The following NEB variants were observed in gnomAD, a reference collection of about 807,000 sequenced individuals.
NEB encodes nebulin.
A neutral mutation model predicts 952.2 loss-of-function variants in NEB; 512 were observed. The ratio of observed to expected loss-of-function variants is 0.54; its 90% CI spans 0.50 to 0.58. NEB has a LOEUF of 0.58. Among genes scored for constraint, NEB ranks in the 20% least tolerant of loss-of-function variants. The probability of loss-of-function intolerance (pLI) is 0.00; values close to 1 mark genes in which losing one functional copy is unlikely to be tolerated. For synonymous variants in NEB, 2,900 were observed against 3,149.8 expected, an observed-to-expected ratio of 0.92 and a Z score of 2.66; for missense variants, 8,428 against 9,231.1, an observed-to-expected ratio of 0.91 and a Z score of 3.56.
At chr2:151,551,134 A>ATT (rs1458139434) in intron 129 of NEB, among the ~76,000 whole-genome samples, 2 of 150,606 alleles carry the variant, frequency 1.3e-5, no homozygotes, top group African/African-American at 4.9e-5. Flanking sequence ...TATCTGGCTA[A>ATT]TTTTTTGTAT....
Position 151,641,210 on chromosome 2 carries a change from TGTGTGAGAATA to T in NEB, c.8374-555_8374-545del, listed in dbSNP as rs2098842652. On this transcript the variant is annotated intron_variant, in intron 60 of 181. Coordinates refer to ENST00000397345, the MANE Select transcript of NEB (RefSeq NM_001164508.2). ...CACTAAAATAATTTGTTATGATTCG[TGTGTGAGAATA>T]TAATTAGAAGTCATATTGTATATGG... Among the ~76,000 whole-genome samples, 6 of 152,362 alleles carry T rather than the reference TGTGTGAGAATA, an allele frequency of 3.9e-5. No individual in the cohort carries two copies. In the South Asian group the frequency reaches 1.2e-3, roughly 32 times the overall value.
At chr2:151,570,018 T>C (rs2096570561) in intron 109 of NEB, 63 bp downstream of exon 109, 1 of 1,490,172 alleles carries the variant, frequency 6.7e-7, no homozygotes. Flanking sequence ...GTTAGTGTCA[T>C]AAACTCTCTG....
intron 124 of NEB, 84 bp from the exon 125 acceptor site, chr2:151,555,128 A>G (rs1182820003): frequency 8.5e-6 from 8 of 944,746 alleles, no homozygotes; most frequent in Middle Eastern, 4.4e-4. Flanking sequence ...CTTAATGGGA[A>G]AAACCCGACT....
At chr2:151,574,766 C>T (rs2096772676) in intron 107 of NEB, among the ~76,000 whole-genome samples, 1 of 115,300 alleles carries the variant, frequency 8.7e-6, no homozygotes, top group African/African-American at 2.7e-5. Context: ...GGGTCTTGCC[C>T]TGTCACCCAG....
At chr2:151,671,799 C>T (rs971041350) in intron 37 of NEB, among the ~76,000 whole-genome samples, 4 of 152,166 alleles carry the variant, frequency 2.6e-5, no homozygotes, top group Non-Finnish European at 5.9e-5. Flanking sequence ...TATAACACTT[C>T]TTTCCTTTAC....
chr2:151,698,305 T>C (rs1029230662), intron 13 of NEB, among the ~76,000 whole-genome samples: 2 of 152,132 alleles, frequency 1.3e-5, no homozygotes, highest in Non-Finnish European at 2.9e-5. Context: ...TTTTAGTATG[T>C]TTACAGAGTT....
At chr2:151,730,118 G>C (rs2099802315) in intron 3 of NEB, among the ~76,000 whole-genome samples, 1 of 152,130 alleles carries the variant, frequency 6.6e-6, no homozygotes. Flanking sequence ...TAAATGGATT[G>C]CATCATGGAA....
chr2:151,495,760 A>G (rs922978559), intron 173 of NEB, among the ~76,000 whole-genome samples: 1 of 152,168 alleles, frequency 6.6e-6, no homozygotes, highest in African/African-American at 2.4e-5. Flanking sequence ...TTGATAATCA[A>G]TAATTGCCAA....
intron 9 of NEB, among the ~76,000 whole-genome samples, chr2:151,722,515 GT>G (rs1336076812): frequency 6.6e-6 from 1 of 152,104 alleles, no homozygotes; most frequent in Non-Finnish European, 1.5e-5. Context: ...TGTGTTTTTG[GT>G]TTGTTTAGTT....
intron 63 of NEB, 105 bp from the exon 64 acceptor site, chr2:151,636,439 CTTTCT>C: frequency 1.1e-6 from 1 of 912,766 alleles, no homozygotes; most frequent in South Asian, 1.6e-5. Context: ...CTATAATAAT[CTTTCT>C]TTTGAGAGTT....
intron 46 of NEB, among the ~76,000 whole-genome samples, chr2:151,660,756 C>G (rs866457454): frequency 7.9e-5 from 12 of 152,104 alleles, no homozygotes; most frequent in South Asian, 4.2e-4. Flanking sequence ...GTGGTTGTGT[C>G]ACTATAAAAC....
At chr2:151,703,940 G>A (rs1309594801) in intron 13 of NEB, among the ~76,000 whole-genome samples, 13 of 132,470 alleles carry the variant, frequency 9.8e-5, no homozygotes, top group East Asian at 4.4e-4. Context: ...GGCGCTCTGC[G>A]TTTTAGAGTT....
rs549285971 is a variant in NEB, at chr2:151,664,824, T to C, written c.5278A>G (p.Ile1760Val). Reference sequence around the variant, plus strand: ...TCCGGTGTGTCAGGCATGACATGAATGGTGGTCTTGTCCTTGTTCCATTTT... The same window carrying C: ...TCCGGTGTGTCAGGCATGACATGAACGGTGGTCTTGTCCTTGTTCCATTTT... Reference protein sequence around the residue: ...TEKWNKDKTTIHVMPDTPDIL... With the variant: ...TEKWNKDKTTVHVMPDTPDIL... The change falls in exon 43 of 182, where the codon ATT becomes GTT. Residue 1760 changes from isoleucine to valine, a missense_variant. Coordinates refer to ENST00000397345, the MANE Select transcript of NEB (RefSeq NM_001164508.2). 6.2e-7 allele frequency: 1 copy of C among 1,613,084 alleles called. No homozygotes were observed. Among genetic ancestry groups the C allele is most frequent in the South Asian group, 1.1e-5 (1 of 90,868 alleles).
At chr2:151,706,747 T>G (rs963073348) in intron 13 of NEB, 134 bp downstream of exon 13, 18 of 665,578 alleles carry the variant, frequency 2.7e-5, no homozygotes, top group Admixed American at 1.1e-4. Flanking sequence ...TGTGGTTACA[T>G]AGTTCCAATG....
intron 173 of NEB, among the ~76,000 whole-genome samples, chr2:151,494,573 C>T (rs1271813111): frequency 6.6e-6 from 1 of 152,178 alleles, no homozygotes; most frequent in Non-Finnish European, 1.5e-5. Context: ...ACAGGAGTTA[C>T]AGGCATGAGC....
intron 34 of NEB, among the ~76,000 whole-genome samples, chr2:151,677,018 G>A (rs1327863970): frequency 1.3e-5 from 2 of 152,170 alleles, no homozygotes; most frequent in African/African-American, 4.8e-5. Flanking sequence ...CCAGAGCATA[G>A]ACGCTGCTCA....
At position 151,605,036 on chromosome 2, in the gene NEB, C is replaced by T. The variant is rs556757083; in HGVS notation, c.12748-165G>A. Among the ~76,000 whole-genome samples, 8 of 133,040 alleles carry T rather than the reference C, an allele frequency of 6.0e-5. 1 individual carries two copies. The highest frequency in any genetic ancestry group is 4.7e-4 in the South Asian group (2 of 4,262). The allele number at this position is 133,040 out of a possible 152,430, so 87.3% of individuals were successfully genotyped here. ...TTCACTTTAAAGAAATTAGATAATA[C>T]GATTTTAGGTCATTTCAGAGAGGAC... On this transcript the variant is annotated intron_variant, in intron 84 of 181. Coordinates refer to ENST00000397345, the MANE Select transcript of NEB (RefSeq NM_001164508.2).
At chr2:151,667,036 T>C (rs2099227748) in intron 40 of NEB, among the ~76,000 whole-genome samples, 1 of 151,780 alleles carries the variant, frequency 6.6e-6, no homozygotes. Flanking sequence ...TAACTTAATT[T>C]GTAAAAAAAA....
intron 9 of NEB, among the ~76,000 whole-genome samples, chr2:151,717,855 C>T (rs375409868): frequency 4.3e-5 from 6 of 140,246 alleles, no homozygotes; most frequent in East Asian, 2.1e-4. Context: ...CTCCTTTGTT[C>T]TTTTTTTTTT....
Sources: allele counts gnomAD v4.1 joint callset (sites outside exome capture counted in the v4.1 genomes callset), GRCh38; gene constraint gnomAD v4.1.1; transcripts MANE v1.5; gene names NCBI Gene and HGNC (gene_info 2026-07-23, HGNC 2026-07-21).